ADARB2: variants seen among roughly 807,000 people sequenced by gnomAD.
ADARB2 encodes the protein adenosine deaminase RNA specific B2 (inactive).
In ADARB2, 25 loss-of-function variants were observed where a neutral mutation model predicts 62.2. That is an observed-to-expected ratio of 0.40 (90% CI 0.29 to 0.56). The LOEUF is 0.56. Among genes scored for constraint, ADARB2 ranks in the 20% least tolerant of loss-of-function variants. The probability of loss-of-function intolerance (pLI) is 0.43; values close to 1 mark genes in which losing one functional copy is unlikely to be tolerated. For synonymous variants in ADARB2, 572 were observed against 500.8 expected (o/e 1.14, Z -1.90); for missense variants, 1,071 against 1,077.4 (o/e 0.99, Z 0.08).
At chr10:1,191,298 G>A (rs941266369) in intron 8 of ADARB2, among the ~76,000 whole-genome samples, 1 of 152,250 alleles carries the variant, frequency 6.6e-6, no homozygotes, top group Non-Finnish European at 1.5e-5. Context: ...CTGTGCCACT[G>A]GCTGGATGTG....
intron 1 of ADARB2, among the ~76,000 whole-genome samples, chr10:1,465,836 G>A (rs1252993193): frequency 6.6e-6 from 1 of 152,174 alleles, no homozygotes; most frequent in Non-Finnish European, 1.5e-5. Context: ...CCTCCCTCGG[G>A]CGGTCCTGGC....
At chr10:1,623,235 A>G (rs1270843214) in intron 1 of ADARB2, among the ~76,000 whole-genome samples, 1 of 152,142 alleles carries the variant, frequency 6.6e-6, no homozygotes, top group African/African-American at 2.4e-5. Context: ...CTGCACACAC[A>G]TCCATGAAGC....
chr10:1,234,743 T>C (rs868866003), intron 5 of ADARB2, among the ~76,000 whole-genome samples: 12 of 96,052 alleles, frequency 1.2e-4, no homozygotes, highest in Non-Finnish European at 2.0e-4. Flanking sequence ...TGATCTTTTT[T>C]TTTTTTTTTT....
chr10:1,477,455 C>G lies in ADARB2; in HGVS notation c.101-98295G>C, dbSNP rs1459073333. ...AGCCCTGCTTCTTTGCAGACGGCCCCTTTTCTGCTGTGCTGCCCATTGCTT... is the reference window on the plus strand; with the variant it reads ...AGCCCTGCTTCTTTGCAGACGGCCCGTTTTCTGCTGTGCTGCCCATTGCTT... On this transcript the variant is annotated intron_variant, in intron 1 of 9. Coordinates refer to ENST00000381312, the MANE Select transcript of ADARB2 (RefSeq NM_018702.4). The surrounding 1 kb of genome is among the most constrained non-coding windows in gnomAD (Gnocchi z 4.5). Among the ~76,000 whole-genome samples the G allele has an allele frequency of 2.6e-5, 4 of 152,152 alleles. No individual in the cohort carries two copies. Among genetic ancestry groups the G allele is most frequent in the Non-Finnish European group, 4.4e-5 (3 of 68,024 alleles).
intron 1 of ADARB2, among the ~76,000 whole-genome samples, chr10:1,637,614 G>A (rs7094156): frequency 0.016 from 2,464 of 152,078 alleles, 62 homozygotes; most frequent in African/African-American, 0.052. Flanking sequence ...AGTATTGTAA[G>A]GTGAATTCTT....
Position 1,656,966 on chromosome 10 carries a change from CT to C in ADARB2, c.100+80084del, listed in dbSNP as rs540029311. Among the ~76,000 whole-genome samples the C allele has an allele frequency of 6.9e-4, 105 of 151,350 alleles. 1 individual carries two copies. Among genetic ancestry groups the C allele is most frequent in the African/African-American group, 2.5e-3 (104 of 41,204 alleles). On this transcript the variant is annotated intron_variant, in intron 1 of 9. Coordinates refer to ENST00000381312, the MANE Select transcript of ADARB2 (RefSeq NM_018702.4). Reference sequence around the variant, plus strand: ...CTTTAAGTTGAAAAATCAAGGAACTCTCTCTTCCTAAAGCAGTGGTACCCAT... The same window carrying C: ...CTTTAAGTTGAAAAATCAAGGAACTCCTCTTCCTAAAGCAGTGGTACCCAT...
chr10:1,300,146 A>T (rs970838426), intron 3 of ADARB2, among the ~76,000 whole-genome samples: 2 of 152,232 alleles, frequency 1.3e-5, no homozygotes, highest in African/African-American at 2.4e-5. Flanking sequence ...TGGGATTTTT[A>T]AAAATAAAAA....
intron 7 of ADARB2, among the ~76,000 whole-genome samples, chr10:1,207,500 C>A (rs1837085044): frequency 1.3e-5 from 2 of 152,102 alleles, no homozygotes; most frequent in African/African-American, 4.8e-5. Flanking sequence ...TCAGTGGAGT[C>A]AACAAATCAT....
chr10:1,356,302 C>T (rs923793263), intron 3 of ADARB2, among the ~76,000 whole-genome samples: 3 of 152,194 alleles, frequency 2.0e-5, no homozygotes, highest in African/African-American at 7.2e-5. Flanking sequence ...TGGGATCATT[C>T]CTGCTTCAAA....
Position 1,212,066 on chromosome 10 carries a change from C to G in ADARB2, c.1682+4885G>C, listed in dbSNP as rs533629908. Among the ~76,000 whole-genome samples, 4 of 152,350 alleles carry G rather than the reference C, an allele frequency of 2.6e-5. No individual in the cohort carries two copies. In the South Asian group the frequency reaches 8.3e-4, roughly 32 times the overall value. On this transcript the variant is annotated intron_variant, in intron 7 of 9. Coordinates refer to ENST00000381312, the MANE Select transcript of ADARB2 (RefSeq NM_018702.4). ...CCACGTGTGTCCTCCTGCCGCTTCA[C>G]AGACGGTGACTTCCACCTCCATGTC...
intron 1 of ADARB2, among the ~76,000 whole-genome samples, chr10:1,644,823 C>A (rs146754906): frequency 4.6e-5 from 7 of 152,344 alleles, no homozygotes; most frequent in African/African-American, 1.7e-4. Context: ...TGGATTTTCA[C>A]TTTGTTTTGT....
chr10:1,203,846 C>T (rs1837016991), intron 7 of ADARB2, among the ~76,000 whole-genome samples: 1 of 152,176 alleles, frequency 6.6e-6, no homozygotes, highest in East Asian at 1.9e-4. Context: ...GATGTCTGGG[C>T]CAGCCATGGA....
chr10:1,484,633 G>A (rs189034857), intron 1 of ADARB2, among the ~76,000 whole-genome samples: 3 of 152,306 alleles, frequency 2.0e-5, no homozygotes, highest in East Asian at 3.9e-4. Flanking sequence ...AAATGCTATG[G>A]CAGCTACACT....
At chr10:1,293,982 G>A (rs1053146836) in intron 3 of ADARB2, among the ~76,000 whole-genome samples, 2 of 151,900 alleles carry the variant, frequency 1.3e-5, no homozygotes, top group African/African-American at 4.8e-5. Context: ...GGGGGCGGGG[G>A]CATGGGGGAG....
chr10:1,322,163 G>A (rs1451128829), intron 3 of ADARB2, among the ~76,000 whole-genome samples: 1 of 152,224 alleles, frequency 6.6e-6, no homozygotes, highest in South Asian at 2.1e-4. Flanking sequence ...AGCCCTTGAA[G>A]CTTGGTGAGA....
intron 1 of ADARB2, among the ~76,000 whole-genome samples, chr10:1,639,034 C>G (rs1199066219): frequency 2.6e-5 from 4 of 152,236 alleles, no homozygotes; most frequent in Non-Finnish European, 5.9e-5. Context: ...ATACCCTCAT[C>G]ATGGTACAAG....
chr10:1,577,938 C>T (rs1833042137), intron 1 of ADARB2, among the ~76,000 whole-genome samples: 1 of 152,164 alleles, frequency 6.6e-6, no homozygotes, highest in Admixed American at 6.5e-5. Context: ...CCTGTGAGGA[C>T]ACAGGGAGAA....
intron 1 of ADARB2, among the ~76,000 whole-genome samples, chr10:1,462,512 G>A (rs1410456664): frequency 6.6e-6 from 1 of 152,192 alleles, no homozygotes; most frequent in Non-Finnish European, 1.5e-5. Flanking sequence ...GTGCATGAGT[G>A]TAGTGTGCCT....
At chr10:1,595,168 T>A (rs913319503) in intron 1 of ADARB2, among the ~76,000 whole-genome samples, 2 of 152,166 alleles carry the variant, frequency 1.3e-5, no homozygotes, top group African/African-American at 4.8e-5. Context: ...GCATGGATAA[T>A]CTTTGAGCTG....
Sources: allele counts gnomAD v4.1 joint callset (sites outside exome capture counted in the v4.1 genomes callset), GRCh38; gene constraint gnomAD v4.1.1; non-coding constraint Gnocchi (gnomAD v3.1); transcripts MANE v1.5; gene names NCBI Gene and HGNC (gene_info 2026-07-23, HGNC 2026-07-21).